Variants in MCC observed in about 807,000 individuals in gnomAD.
MCC encodes the protein colorectal mutant cancer protein.
MCC carries 90 observed loss-of-function variants against 116.2 expected under a neutral mutation model. The observed-to-expected ratio is 0.77, with a 90% confidence interval of 0.65 to 0.92. The LOEUF (loss-of-function observed/expected upper bound fraction) is 0.92. Ranked by LOEUF, MCC falls within the 40% of genes least tolerant of loss-of-function variation. The pLI, the probability that MCC is intolerant of heterozygous loss-of-function variation, is 0.00. For synonymous variants in MCC, 578 were observed against 510.5 expected (o/e 1.13, Z -1.78); for missense variants, 1,516 against 1,312.2 (o/e 1.16, Z -2.40).
rs368925888 is a variant in MCC, at chr5:113,071,768, C to T, written c.1785-534G>A. Among the ~76,000 whole-genome samples, 13 of 152,248 alleles carry T rather than the reference C, an allele frequency of 8.5e-5. No homozygotes were observed. In the East Asian group the frequency reaches 1.4e-3, roughly 16 times the overall value. On this transcript the variant is annotated intron_variant, in intron 11 of 18. Coordinates refer to ENST00000408903, the MANE Select transcript of MCC (RefSeq NM_001085377.2). ...AAGTATCTTGCCCTGGGATTTGAACCGGGAAGTGTGACCCCAAATCCCATC... is the reference window on the plus strand; with the variant it reads ...AAGTATCTTGCCCTGGGATTTGAACTGGGAAGTGTGACCCCAAATCCCATC...
chr5:113,116,782 G>A (rs768027382), intron 6 of MCC, among the ~76,000 whole-genome samples: 16 of 152,160 alleles, frequency 1.1e-4, no homozygotes, highest in Non-Finnish European at 1.6e-4. Flanking sequence ...ACTTAGCTCT[G>A]CTACCATTTG....
chr5:113,223,559 T>C (rs1160536151), intron 3 of MCC, among the ~76,000 whole-genome samples: 2 of 152,068 alleles, frequency 1.3e-5, no homozygotes, highest in Non-Finnish European at 2.9e-5. Flanking sequence ...AACAAGTCTA[T>C]ATTAAGGCAG....
Position 113,040,143 on chromosome 5 carries a change from C to G in MCC, c.2756+3387G>C, listed in dbSNP as rs141477866. Among the ~76,000 whole-genome samples the G allele has an allele frequency of 2.6e-5, 4 of 151,562 alleles. No homozygotes were observed. In the East Asian group the frequency reaches 7.7e-4, roughly 29 times the overall value. ...TAAATGTTCACCGAAGTAGGGGGAACGAAATCAGACCAGATGGGAGTTATA... is the reference window on the plus strand; with the variant it reads ...TAAATGTTCACCGAAGTAGGGGGAAGGAAATCAGACCAGATGGGAGTTATA... On this transcript the variant is annotated intron_variant, in intron 17 of 18. Transcript: ENST00000408903.
chr5:113,315,791 C>T (rs1450265193), intron 3 of MCC, among the ~76,000 whole-genome samples: 1 of 151,548 alleles, frequency 6.6e-6, no homozygotes, highest in Non-Finnish European at 1.5e-5. Context: ...GTGGGAGGAT[C>T]ACCTGAGCCT....
chr5:113,088,341 A>C (rs1472872694), intron 8 of MCC, among the ~76,000 whole-genome samples: 1 of 151,950 alleles, frequency 6.6e-6, no homozygotes, highest in African/African-American at 2.4e-5. Flanking sequence ...ATGGCTTCGG[A>C]AAGAGGCAGA....
intron 3 of MCC, among the ~76,000 whole-genome samples, chr5:113,252,753 G>A (rs888895558): frequency 6.6e-6 from 1 of 151,938 alleles, no homozygotes; most frequent in African/African-American, 2.4e-5. Context: ...TGCTGGTCTA[G>A]ACCACTGTAG....
At chr5:113,099,317 C>G (rs1756247521) in intron 8 of MCC, among the ~76,000 whole-genome samples, 1 of 152,100 alleles carries the variant, frequency 6.6e-6, no homozygotes, top group Non-Finnish European at 1.5e-5. Context: ...AAGGCTTTGA[C>G]TAAAATGTGT....
At chr5:113,046,242 T>TGC in intron 16 of MCC, among the ~76,000 whole-genome samples, 1 of 151,868 alleles carries the variant, frequency 6.6e-6, no homozygotes, top group Non-Finnish European at 1.5e-5. Flanking sequence ...GCCCAGGCTG[T>TGC]GGTGCGGCTG....
intron 3 of MCC, among the ~76,000 whole-genome samples, chr5:113,275,766 C>T (rs1274654499): frequency 2.6e-5 from 4 of 152,008 alleles, no homozygotes. Flanking sequence ...CAGGAGGATG[C>T]GCATAGCTTA....
chr5:113,385,465 T>C (rs1295778590), intron 1 of MCC, among the ~76,000 whole-genome samples: 1 of 152,206 alleles, frequency 6.6e-6, no homozygotes, highest in Non-Finnish European at 1.5e-5. Context: ...TCTTCCTGTT[T>C]CCACACCCTT....
intron 3 of MCC, chr5:113,294,957 C>A: frequency 1.0e-6 from 1 of 985,524 alleles, no homozygotes; most frequent in Non-Finnish European, 1.2e-6. Context: ...TCTGATTGAA[C>A]ACAGCTGTCT....
chr5:113,216,996 G>A (rs1188295761), intron 3 of MCC, among the ~76,000 whole-genome samples: 1 of 152,162 alleles, frequency 6.6e-6, no homozygotes, highest in Admixed American at 6.5e-5. Context: ...TTATTACTAT[G>A]GACAAAGTCT....
intron 6 of MCC, among the ~76,000 whole-genome samples, chr5:113,104,906 A>G (rs760087783): frequency 9.2e-5 from 14 of 152,238 alleles, no homozygotes; most frequent in South Asian, 4.1e-4. Flanking sequence ...ATCAGGGGGA[A>G]AAATAAACTG....
At chr5:113,053,079 G>C (rs1006251027) in intron 15 of MCC, among the ~76,000 whole-genome samples, 29 of 152,196 alleles carry the variant, frequency 1.9e-4, no homozygotes, top group African/African-American at 7.0e-4. Context: ...GTGATGTCTT[G>C]TTGTAGGTAT....
intron 3 of MCC, among the ~76,000 whole-genome samples, chr5:113,186,431 G>A (rs937175555): frequency 2.6e-5 from 4 of 152,114 alleles, no homozygotes; most frequent in African/African-American, 4.8e-5. Context: ...CAGCCATGGC[G>A]ACAATGAACT....
intron 3 of MCC, among the ~76,000 whole-genome samples, chr5:113,230,730 G>A (rs1260187654): frequency 6.6e-6 from 1 of 152,150 alleles, no homozygotes; most frequent in Non-Finnish European, 1.5e-5. Context: ...GTGCAATGAG[G>A]AAAGAATCCC....
At chr5:113,479,230 G>T (rs1371923989) in intron 1 of MCC, among the ~76,000 whole-genome samples, 2 of 152,288 alleles carry the variant, frequency 1.3e-5, no homozygotes, top group South Asian at 2.1e-4. Context: ...AATAATACAT[G>T]TTGTATGATT....
chr5:113,348,178 A>T (rs1768178515), intron 2 of MCC, among the ~76,000 whole-genome samples: 1 of 152,104 alleles, frequency 6.6e-6, no homozygotes, highest in African/African-American at 2.4e-5. Context: ...ATCAGCAAAG[A>T]AACATTGGAC....
At chr5:113,085,136 C>T (rs1442048506) in intron 9 of MCC, 28 bp downstream of exon 9, 3 of 1,613,704 alleles carry the variant, frequency 1.9e-6, no homozygotes, top group Non-Finnish European at 2.5e-6. Context: ...GGTGTTCCCG[C>T]TCATCGGGTC....
Sources: gnomAD v4.1 joint callset for allele counts (sites outside exome capture counted in the v4.1 genomes callset) on GRCh38, gnomAD v4.1.1 for gene constraint, MANE v1.5 for transcripts, NCBI Gene and HGNC (gene_info 2026-07-23, HGNC 2026-07-21) for gene names.